PPP2R3A: variants seen among roughly 807,000 people sequenced by gnomAD.
PPP2R3A encodes protein phosphatase 2 regulatory subunit B''alpha.
PPP2R3A carries 80 observed loss-of-function variants against 106.9 expected under a neutral mutation model. That is an observed-to-expected ratio of 0.75 (90% CI 0.62 to 0.90). The LOEUF (loss-of-function observed/expected upper bound fraction) is 0.90, where lower values mean the gene tolerates loss of function less well. Ranked by LOEUF, PPP2R3A falls within the 40% of genes least tolerant of loss-of-function variation. The pLI is 0.00. For missense variants in PPP2R3A, 1,386 were observed against 1,350.4 expected, an observed-to-expected ratio of 1.03 and a Z score of -0.41; for synonymous variants, 483 against 468.3, an observed-to-expected ratio of 1.03 and a Z score of -0.41.
chr3:136,037,066 G>A (rs190157167), intron 3 of PPP2R3A, among the ~76,000 whole-genome samples: 12 of 152,312 alleles, frequency 7.9e-5, no homozygotes, highest in Admixed American at 5.2e-4. Context: ...ATAAATGAAT[G>A]TTCTTATGGA....
chr3:135,974,468 C>A (rs1384180307), intron 1 of PPP2R3A, among the ~76,000 whole-genome samples: 1 of 152,226 alleles, frequency 6.6e-6, no homozygotes, highest in Non-Finnish European at 1.5e-5. Flanking sequence ...AGAGGCTTTA[C>A]ACTTTCCTAC....
At chr3:136,029,352 C>G (rs1477564006) in intron 3 of PPP2R3A, among the ~76,000 whole-genome samples, 3 of 152,212 alleles carry the variant, frequency 2.0e-5, no homozygotes, top group Non-Finnish European at 4.4e-5. Flanking sequence ...TGCTCTGCCT[C>G]CACATCCTTT....
At chr3:136,136,075 T>TAAAAA (rs1559940364) in intron 13 of PPP2R3A, among the ~76,000 whole-genome samples, 4 of 7,760 alleles carry the variant, frequency 5.2e-4, no homozygotes, top group African/African-American at 7.5e-4. Context: ...AAAAAAAAAT[T>TAAAAA]ATATATATAT....
At chr3:135,966,078 C>G (rs1018722401) in intron 1 of PPP2R3A, among the ~76,000 whole-genome samples, 20 of 150,626 alleles carry the variant, frequency 1.3e-4, no homozygotes, top group African/African-American at 4.8e-4. Context: ...CGCGGCCGGC[C>G]GGTCCCGGGA....
At chr3:136,033,266 G>A (rs989744360) in intron 3 of PPP2R3A, among the ~76,000 whole-genome samples, 8 of 152,184 alleles carry the variant, frequency 5.3e-5, no homozygotes. Flanking sequence ...TATGTTGTTA[G>A]ATTCAGTTAG....
chr3:136,080,417 T>G (rs1446146298), intron 7 of PPP2R3A, among the ~76,000 whole-genome samples: 1 of 152,208 alleles, frequency 6.6e-6, no homozygotes, highest in East Asian at 1.9e-4. Flanking sequence ...ATTTTTAATT[T>G]GGTGGATTCT....
chr3:135,999,898 C>T (rs550160043), intron 1 of PPP2R3A, among the ~76,000 whole-genome samples: 85 of 152,230 alleles, frequency 5.6e-4, no homozygotes, highest in Non-Finnish European at 4.7e-4. Flanking sequence ...CTCAGCCTCC[C>T]GAGTAGCTGG....
At chr3:136,011,228 T>C (rs140784723) in intron 2 of PPP2R3A, among the ~76,000 whole-genome samples, 132 of 152,210 alleles carry the variant, frequency 8.7e-4, no homozygotes, top group African/African-American at 3.1e-3. Context: ...CTGTTTTTTT[T>C]TCCCCTAACA....
intron 2 of PPP2R3A, among the ~76,000 whole-genome samples, chr3:136,020,542 C>G (rs990215589): frequency 6.6e-6 from 1 of 151,872 alleles, no homozygotes; most frequent in African/African-American, 2.4e-5. Flanking sequence ...AATTTTACAG[C>G]AAAATCTTTT....
chr3:136,026,475 A>G (rs1934660901), intron 2 of PPP2R3A, among the ~76,000 whole-genome samples: 1 of 152,200 alleles, frequency 6.6e-6, no homozygotes, highest in Non-Finnish European at 1.5e-5. Context: ...AACTGTCTTC[A>G]AAAAGAATGT....
chr3:136,142,975 G>A lies in PPP2R3A; in HGVS notation c.3330-2068G>A, dbSNP rs572279825. Reference sequence around the variant, plus strand: ...ATCAACCATTTCACTTGCATTAGCGGAAAGTTCCTCTCCTATTGCCTCCTT... The same window carrying A: ...ATCAACCATTTCACTTGCATTAGCGAAAAGTTCCTCTCCTATTGCCTCCTT... On this transcript the variant is annotated intron_variant, in intron 13 of 13. Transcript: ENST00000264977. Among the ~76,000 whole-genome samples the A allele has an allele frequency of 3.1e-3, 473 of 152,324 alleles. 2 individuals are homozygous for A. The highest frequency in any genetic ancestry group is 4.2e-3 in the Non-Finnish European group (288 of 68,032).
At chr3:136,136,746 C>T (rs1938638362) in intron 13 of PPP2R3A, among the ~76,000 whole-genome samples, 1 of 152,124 alleles carries the variant, frequency 6.6e-6, no homozygotes, top group Non-Finnish European at 1.5e-5. Flanking sequence ...TGATTTGGCC[C>T]TCCAAAAACA....
chr3:136,052,225 A>T (rs1935709275), intron 5 of PPP2R3A, among the ~76,000 whole-genome samples: 2 of 152,118 alleles, frequency 1.3e-5, no homozygotes, highest in Non-Finnish European at 2.9e-5. Context: ...CTGACCCTAC[A>T]AAGTGCGTCT....
intron 1 of PPP2R3A, among the ~76,000 whole-genome samples, chr3:135,984,121 C>A (rs1309214315): frequency 6.6e-6 from 1 of 151,890 alleles, no homozygotes; most frequent in East Asian, 1.9e-4. Flanking sequence ...TTCTAACTAC[C>A]CTTCCTTTCC....
At chr3:136,055,233 C>G (rs1256200174) in intron 5 of PPP2R3A, 3 of 793,408 alleles carry the variant, frequency 3.8e-6, no homozygotes, top group Non-Finnish European at 6.5e-6. Flanking sequence ...GACATACTTT[C>G]TATCAAGCTG....
chr3:136,070,535 TC>T lies in PPP2R3A; in HGVS notation c.2530del (p.Arg844AlafsTer27), dbSNP rs35261429. 1 of 1,610,480 alleles carries T rather than the reference TC, an allele frequency of 6.2e-7. No homozygotes were observed. Among genetic ancestry groups the T allele is most frequent in the Non-Finnish European group, 8.5e-7 (1 of 1,178,714 alleles). On this transcript the variant is annotated frameshift_variant, in exon 6 of 14. Transcript: ENST00000264977. LOFTEE classifies it high-confidence loss of function. ...TFLKDAPEFH[S>X]RYITTVIQRI... ...CCTGAAAGATGCTCCAGAATTCCACTCCCGCTACATCACCACGGTAGGCTGA... is the reference window on the plus strand; with the variant it reads ...CCTGAAAGATGCTCCAGAATTCCACTCCGCTACATCACCACGGTAGGCTGA...
chr3:136,106,368 G>A (rs749142269), intron 13 of PPP2R3A, 46 bp downstream of exon 13: 15 of 1,508,774 alleles, frequency 9.9e-6, no homozygotes, highest in Admixed American at 5.1e-5. Flanking sequence ...ACAGGAATGC[G>A]CATGTCCAGA....
chr3:136,030,825 T>TGTATGTATAC (rs1422329305), intron 3 of PPP2R3A, among the ~76,000 whole-genome samples: 7 of 142,362 alleles, frequency 4.9e-5, no homozygotes, highest in African/African-American at 8.3e-5. Context: ...TATGTATGTA[T>TGTATGTATAC]ACACACACAC....
chr3:136,113,807 AAAGAG>A (rs1937640000), intron 13 of PPP2R3A, among the ~76,000 whole-genome samples: 1 of 152,060 alleles, frequency 6.6e-6, no homozygotes, highest in Admixed American at 6.6e-5. Context: ...AAAAAAAAAA[AAAGAG>A]AGAGACTTAA....
Sources: allele counts gnomAD v4.1 joint callset (sites outside exome capture counted in the v4.1 genomes callset), GRCh38; gene constraint gnomAD v4.1.1; transcripts MANE v1.5; gene names NCBI Gene and HGNC (gene_info 2026-07-23, HGNC 2026-07-21).